Variants in NHSL1 observed in about 807,000 individuals in gnomAD.
NHSL1 encodes NHS like 1.
In NHSL1, 48 loss-of-function variants were observed where a neutral mutation model predicts 95.0. The ratio of observed to expected loss-of-function variants is 0.51; its 90% CI spans 0.40 to 0.64. The LOEUF is 0.64. NHSL1 is among the 30% of genes least tolerant of loss of function. The pLI is 0.00. For missense variants in NHSL1, 1,971 were observed against 2,077.7 expected, an observed-to-expected ratio of 0.95 and a Z score of 1.00; for synonymous variants, 783 against 833.9, an observed-to-expected ratio of 0.94 and a Z score of 1.05.
At chr6:138,550,164 G>A (rs1349762497), upstream of NHSL1, among the ~76,000 whole-genome samples, 4 of 152,120 alleles carry the variant, frequency 2.6e-5, no homozygotes, top group African/African-American at 7.2e-5. Flanking sequence ...GCTTGAACCT[G>A]GGAGGCGGAG....
At chr6:138,673,030 G>T (rs1562409202) in intron 1 of NHSL1, among the ~76,000 whole-genome samples, 1 of 58,374 alleles carries the variant, frequency 1.7e-5, no homozygotes, top group East Asian at 4.9e-4. Flanking sequence ...TAGATAGATA[G>T]GTAGATAGAT....
At chr6:138,443,951 TA>T (rs1470017198) in intron 4 of NHSL1, among the ~76,000 whole-genome samples, 2 of 152,238 alleles carry the variant, frequency 1.3e-5, no homozygotes, top group African/African-American at 4.8e-5. Context: ...GATGAACACC[TA>T]AGACACACGT....
chr6:138,556,262 A>G (rs1783192585), intron 1 of NHSL1, among the ~76,000 whole-genome samples: 1 of 152,112 alleles, frequency 6.6e-6, no homozygotes, highest in Non-Finnish European at 1.5e-5. Context: ...AACTATCATC[A>G]TCTCTGATAT....
intron 2 of NHSL1, among the ~76,000 whole-genome samples, chr6:138,492,287 C>T (rs1780123916): frequency 6.6e-6 from 1 of 152,100 alleles, no homozygotes; most frequent in Non-Finnish European, 1.5e-5. Context: ...CTGACTGAGC[C>T]CTCTCTCCCT....
Position 138,463,522 on chromosome 6 carries a change from TA to T in NHSL1, c.339+9783del, listed in dbSNP as rs780319541. Among the ~76,000 whole-genome samples the T allele has an allele frequency of 1.7e-4, 25 of 147,164 alleles. 1 individual carries two copies. The East Asian group carries it at 3.1e-3, about 18-fold the overall frequency. ...CGATGTTCTTTTTTTTTTTTTTTTT[TA>T]AAGTTTTATTTTTTATTTTACTTTA... On this transcript the variant is annotated intron_variant, in intron 3 of 7. Coordinates refer to ENST00000343505, the MANE Select transcript of NHSL1 (RefSeq NM_001144060.2).
chr6:138,664,714 TG>T (rs1785272483), intron 1 of NHSL1, among the ~76,000 whole-genome samples: 2 of 152,274 alleles, frequency 1.3e-5, no homozygotes. Context: ...CTTTATCTAC[TG>T]ATCAGCCTAG....
chr6:138,464,387 T>C, intron 3 of NHSL1: 1 of 443,090 alleles, frequency 2.3e-6, no homozygotes, highest in South Asian at 2.5e-5. Context: ...CGCCAGGCAC[T>C]TCTGAAGACA....
chr6:138,459,503 G>A (rs1162377525), intron 3 of NHSL1, among the ~76,000 whole-genome samples: 3 of 151,952 alleles, frequency 2.0e-5, no homozygotes, highest in Admixed American at 6.6e-5. Context: ...TACTTTCTTG[G>A]ATTTACCCAA....
At chr6:138,509,700 C>G (rs1781129920) in intron 1 of NHSL1, among the ~76,000 whole-genome samples, 1 of 152,162 alleles carries the variant, frequency 6.6e-6, no homozygotes, top group South Asian at 2.1e-4. Context: ...CTTCCTTCAC[C>G]AGAGAAAGAC....
intron 1 of NHSL1, among the ~76,000 whole-genome samples, chr6:138,671,745 T>C (rs1785373804): frequency 1.3e-5 from 2 of 151,992 alleles, no homozygotes; most frequent in Admixed American, 6.6e-5. Context: ...AATAAACACA[T>C]AGAAATATAC....
At chr6:138,464,159 G>A in intron 3 of NHSL1, 1 of 601,702 alleles carries the variant, frequency 1.7e-6, no homozygotes, top group Non-Finnish European at 2.9e-6. Context: ...TTTCTGATGG[G>A]AAGCAGTACA....
intron 1 of NHSL1, among the ~76,000 whole-genome samples, chr6:138,616,790 ACTGT>A (rs1448834312): frequency 6.6e-6 from 1 of 152,208 alleles, no homozygotes; most frequent in East Asian, 1.9e-4. Flanking sequence ...CTGTAAGTAA[ACTGT>A]CTAAGAAAAG....
intron 1 of NHSL1, among the ~76,000 whole-genome samples, chr6:138,638,464 C>A (rs1784917017): frequency 6.6e-6 from 1 of 152,126 alleles, no homozygotes; most frequent in African/African-American, 2.4e-5. Context: ...TAAACATATA[C>A]ACTTACTATG....
chr6:138,526,540 AT>A (rs1477714848), intron 1 of NHSL1, among the ~76,000 whole-genome samples: 1 of 152,124 alleles, frequency 6.6e-6, no homozygotes, highest in Non-Finnish European at 1.5e-5. Context: ...TCCTTTTTAT[AT>A]TGTACTTGCC....
At chr6:138,511,827 C>CT in intron 1 of NHSL1, among the ~76,000 whole-genome samples, 1 of 152,062 alleles carries the variant, frequency 6.6e-6, no homozygotes, top group African/African-American at 2.4e-5. Context: ...GTAATCCTAG[C>CT]TGCCTAGGAA....
rs151035495 is a variant in NHSL1 at position 138,567,212 on chromosome 6, C to G, written c.202+4498G>C. Among the ~76,000 whole-genome samples the G allele has an allele frequency of 5.0e-3, 765 of 151,792 alleles. 9 individuals are homozygous for G. The highest frequency in any genetic ancestry group is 0.018 in the African/African-American group (725 of 41,364). Reference sequence around the variant, plus strand: ...GTGTGATCTCGGCTCACTGCAGACTCGACCTCCCAGGCTCAAGCGATCCTC... The same window carrying G: ...GTGTGATCTCGGCTCACTGCAGACTGGACCTCCCAGGCTCAAGCGATCCTC... On this transcript the variant is annotated intron_variant, in intron 1 of 6. Transcript: ENST00000427025.
At chr6:138,627,260 G>A (rs1196267439) in intron 1 of NHSL1, among the ~76,000 whole-genome samples, 3 of 152,136 alleles carry the variant, frequency 2.0e-5, no homozygotes, top group African/African-American at 7.2e-5. Context: ...CTATAATCAA[G>A]AAACCACTGC....
In NHSL1 at chr6:138,692,326, CGCT is replaced by C; in HGVS notation, c.96+147_96+149del. On this transcript the variant is annotated intron_variant, in intron 1 of 3. Coordinates refer to the NHSL1 transcript ENST00000491526. The surrounding 1 kb of genome is among the most constrained non-coding windows in gnomAD (Gnocchi z 4.0). Reference sequence around the variant, plus strand: ...CGCCCCTGCCACCTGCCCAGCCTCCCGCTGGGGTCCGGCAGTCCCCACTGGAGA... The same window carrying C: ...CGCCCCTGCCACCTGCCCAGCCTCCCGGGGTCCGGCAGTCCCCACTGGAGA... 2.7e-6 allele frequency: 1 copy of C among 371,082 alleles called. No homozygotes were observed. The highest frequency in any genetic ancestry group is 2.0e-5 in the South Asian group (1 of 50,300). The allele number at this position is 371,082 out of a possible 1,614,324, so 23.0% of individuals were successfully genotyped here.
At chr6:138,514,436 A>AAGCAT (rs1562341176) in intron 1 of NHSL1, among the ~76,000 whole-genome samples, 1 of 152,220 alleles carries the variant, frequency 6.6e-6, no homozygotes, top group African/African-American at 2.4e-5. Context: ...GGATGCCTAA[A>AAGCAT]ACCACAGATG....
Sources: gnomAD v4.1 joint callset for allele counts (sites outside exome capture counted in the v4.1 genomes callset) on GRCh38, gnomAD v4.1.1 for gene constraint, Gnocchi (gnomAD v3.1) non-coding constraint, MANE v1.5 for transcripts, NCBI Gene and HGNC (gene_info 2026-07-23, HGNC 2026-07-21) for gene names.